BTBD16: variants seen among roughly 807,000 people sequenced by gnomAD.
The protein encoded by BTBD16 is BTB domain containing 16.
Under a neutral mutation model 67.4 loss-of-function variants are expected in BTBD16, and 66 were observed. That is an observed-to-expected ratio of 0.98 (90% CI 0.80 to 1.20). The LOEUF (loss-of-function observed/expected upper bound fraction) is 1.20. BTBD16 is among the 50% of genes most tolerant of loss of function. The probability of loss-of-function intolerance (pLI) is 0.00; values close to 1 mark genes in which losing one functional copy is unlikely to be tolerated. For missense variants in BTBD16, 634 were observed against 616.0 expected (o/e 1.03, Z -0.31); for synonymous variants, 242 against 236.4 (o/e 1.02, Z -0.22).
At chr10:122,293,293 A>G (rs966985998) in intron 7 of BTBD16, among the ~76,000 whole-genome samples, 39 of 152,180 alleles carry the variant, frequency 2.6e-4, no homozygotes, top group Admixed American at 2.5e-3. Flanking sequence ...ACAGGTTTCA[A>G]TTCATTTTTT....
chr10:122,291,208 G>T lies in BTBD16; in HGVS notation c.590+14G>T. 2.5e-6 allele frequency: 4 copies of T among 1,605,466 alleles called. No individual in the cohort carries two copies. Among genetic ancestry groups the T allele is most frequent in the Non-Finnish European group, 1.7e-6 (2 of 1,175,660 alleles). On this transcript the variant is annotated intron_variant, in intron 7 of 15. Transcript: ENST00000260723. The stretch of plus-strand genomic sequence containing the variant: ...CCTGTTTCAAAGGTAAGGAAACAAG[G>T]CTGACTTTGGGCAGGGCCGGGCCTG...
chr10:122,324,938 G>A (rs770329918), intron 10 of BTBD16, among the ~76,000 whole-genome samples: 1 of 152,222 alleles, frequency 6.6e-6, no homozygotes, highest in Non-Finnish European at 1.5e-5. Context: ...CTTAAAAAGG[G>A]CAGCTGTGGT....
At chr10:122,311,027 A>G (rs1291270229) in intron 10 of BTBD16, among the ~76,000 whole-genome samples, 1 of 152,098 alleles carries the variant, frequency 6.6e-6, no homozygotes, top group Admixed American at 6.5e-5. Flanking sequence ...GAGGGAACGT[A>G]GTTGAATAAC....
rs143795868 is a variant in BTBD16, at chr10:122,294,065, T to A, written c.590+2871T>A. On this transcript the variant is annotated intron_variant, in intron 7 of 15. Coordinates refer to ENST00000260723, the MANE Select transcript of BTBD16 (RefSeq NM_144587.5). ...ATTCCACTGATGAGCAAACATAGGC[T>A]TGCCTGAAGCTGATGGGACCTGCCC... 8.6e-6 allele frequency: 8 copies of A among 933,888 alleles called. No homozygotes were observed. In the East Asian group the frequency reaches 8.2e-4, roughly 95 times the overall value. The allele number at this position is 933,888 out of a possible 1,614,324, so 57.9% of individuals were successfully genotyped here.
At chr10:122,326,740 C>T (rs1319332009) in intron 10 of BTBD16, among the ~76,000 whole-genome samples, 1 of 152,188 alleles carries the variant, frequency 6.6e-6, no homozygotes, top group East Asian at 1.9e-4. Flanking sequence ...ATGTATCTTT[C>T]AGTAGCAAGG....
intron 10 of BTBD16, among the ~76,000 whole-genome samples, chr10:122,312,309 C>CTTTTTTTTTTTTTT (rs58045019): frequency 2.8e-5 from 3 of 105,622 alleles, no homozygotes; most frequent in South Asian, 3.1e-4. Flanking sequence ...TTTTCTTTTT[C>CTTTTTTTTTTTTTT]TTTTTTTTTT....
intron 13 of BTBD16, among the ~76,000 whole-genome samples, chr10:122,333,870 C>T (rs10788281): frequency 0.36 from 54,237 of 151,856 alleles, 10,161 homozygotes; most frequent in East Asian, 0.69. Context: ...CAATAGTTCT[C>T]GAGGTAGCCT....
rs201366692 is a variant in BTBD16, at chr10:122,275,093, G to A, written c.12G>A (p.Ser4=). 1.1e-5 allele frequency: 18 copies of A among 1,613,542 alleles called. No homozygotes were observed. In the African/African-American group the frequency reaches 1.3e-4, roughly 12 times the overall value. The stretch of plus-strand genomic sequence containing the variant: ...TTCCACTTTCATTCATGATAATGTC[G>A]AACACGGTGAGTAGATCAGTTTCTC... MIM[S]NTHKARLERR... Residue 4 remains serine (S), a synonymous_variant, in exon 2 of 16, where the codon TCG becomes TCA. Coordinates refer to ENST00000260723, the MANE Select transcript of BTBD16 (RefSeq NM_144587.5).
At position 122,286,213 on chromosome 10, in the gene BTBD16, C is replaced by T. The variant is rs769043918; in HGVS notation, c.350C>T (p.Thr117Ile). The change falls in exon 5 of 16, where the codon ACA (threonine) becomes ATA (isoleucine). Residue 117 changes from threonine (T) to isoleucine (I), a missense_variant. Transcript: ENST00000260723. Reference sequence around the variant, plus strand: ...CTGAAAGCCCTGGCGCAGGGCACCACACACCCCCTGAGGGAGCTGGAGGAG... The same window carrying T: ...CTGAAAGCCCTGGCGCAGGGCACCATACACCCCCTGAGGGAGCTGGAGGAG... ...LYLKALAQGT[T>I]HPLRELEELL... 2 of 1,613,612 alleles carry T rather than the reference C, an allele frequency of 1.2e-6. No homozygotes were observed. Among genetic ancestry groups the T allele is most frequent in the East Asian group, 2.2e-5 (1 of 44,882 alleles).
chr10:122,275,644 C>T (rs934037987), intron 2 of BTBD16, among the ~76,000 whole-genome samples: 4 of 152,174 alleles, frequency 2.6e-5, no homozygotes, highest in Non-Finnish European at 5.9e-5. Flanking sequence ...CCCATGGTCT[C>T]GTCACCTCTC....
intron 9 of BTBD16, among the ~76,000 whole-genome samples, chr10:122,304,123 C>T (rs929600294): frequency 5.9e-5 from 9 of 152,168 alleles, no homozygotes; most frequent in African/African-American, 2.2e-4. Context: ...ACAGGGACAT[C>T]ATACCAAGTG....
At chr10:122,277,564 G>A (rs2096343538) in intron 3 of BTBD16, among the ~76,000 whole-genome samples, 1 of 152,112 alleles carries the variant, frequency 6.6e-6, no homozygotes, top group Non-Finnish European at 1.5e-5. Flanking sequence ...TTCTGGTGAG[G>A]GCCTCAGTCT....
intron 14 of BTBD16, among the ~76,000 whole-genome samples, chr10:122,335,189 G>A (rs926073838): frequency 2.0e-5 from 3 of 152,234 alleles, no homozygotes; most frequent in Admixed American, 6.5e-5. Context: ...TAGCGGATGA[G>A]GATCTGAAAA....
intron 4 of BTBD16, 70 bp downstream of exon 4, chr10:122,283,994 G>A: frequency 8.6e-7 from 1 of 1,160,688 alleles, no homozygotes; most frequent in Non-Finnish European, 1.3e-6. Context: ...GGTCTTTATG[G>A]AAGGAGACCA....
chr10:122,301,720 G>C (rs1408225519), intron 9 of BTBD16, among the ~76,000 whole-genome samples: 5 of 152,314 alleles, frequency 3.3e-5, no homozygotes, highest in Admixed American at 2.6e-4. Context: ...ACCCACAGCT[G>C]TTTCAGAATG....
At position 122,298,339 on chromosome 10, in the gene BTBD16, G is replaced by A. The variant is rs188712495; in HGVS notation, c.660+502G>A. On this transcript the variant is annotated intron_variant, in intron 8 of 15. Transcript: ENST00000260723. ...CCAGTGACCTGGGGGGGGATACCAAGCAGCATGCCACAGTTCTCCCATCAT... is the reference window on the plus strand; with the variant it reads ...CCAGTGACCTGGGGGGGGATACCAAACAGCATGCCACAGTTCTCCCATCAT... Among the ~76,000 whole-genome samples the A allele has an allele frequency of 4.9e-4, 74 of 152,326 alleles. No individual in the cohort carries two copies. In the East Asian group the frequency reaches 0.014, roughly 28 times the overall value.
At chr10:122,326,456 C>T (rs923279946) in intron 10 of BTBD16, among the ~76,000 whole-genome samples, 9 of 152,326 alleles carry the variant, frequency 5.9e-5, no homozygotes, top group African/African-American at 2.2e-4. Flanking sequence ...GCCTGGCTTA[C>T]TGCTTCCAGG....
chr10:122,297,337 C>G (rs1766966843), intron 7 of BTBD16, among the ~76,000 whole-genome samples: 1 of 152,200 alleles, frequency 6.6e-6, no homozygotes, highest in Non-Finnish European at 1.5e-5. Context: ...CATCTGAGAG[C>G]TGCTCTTTGA....
At chr10:122,299,209 T>G (rs1211165891) in intron 9 of BTBD16, 75 bp downstream of exon 9, 4 of 1,541,584 alleles carry the variant, frequency 2.6e-6, no homozygotes, top group Non-Finnish European at 3.5e-6. Flanking sequence ...GGGAGGGAGG[T>G]GCTCTGATGG....
Sources: allele counts gnomAD v4.1 joint callset (sites outside exome capture counted in the v4.1 genomes callset), GRCh38; gene constraint gnomAD v4.1.1; transcripts MANE v1.5; gene names NCBI Gene and HGNC (gene_info 2026-07-23, HGNC 2026-07-21).